The following MEIS1 variants were observed in gnomAD, a reference collection of about 807,000 sequenced individuals.
The protein encoded by MEIS1 is homeobox protein Meis1.
Under a neutral mutation model 50.8 loss-of-function variants are expected in MEIS1, and 5 were observed. The observed-to-expected ratio is 0.10, with a 90% confidence interval of 0.05 to 0.21. The LOEUF is 0.21. Ranked by LOEUF, MEIS1 falls within the 10% of genes least tolerant of loss-of-function variation. The probability of loss-of-function intolerance (pLI) is 1.00; values close to 1 mark genes in which losing one functional copy is unlikely to be tolerated. For missense variants in MEIS1, 318 were observed against 517.3 expected (o/e 0.61, Z 3.74); for synonymous variants, 176 against 179.3 (o/e 0.98, Z 0.15).
intron 10 of MEIS1, 166 bp downstream of exon 10, chr2:66,567,677 C>T (rs924173507): frequency 7.0e-6 from 5 of 713,628 alleles, no homozygotes; most frequent in Non-Finnish European, 1.3e-5. Flanking sequence ...ATCAATTTAA[C>T]ATCATTATAA....
intron 7 of MEIS1, among the ~76,000 whole-genome samples, chr2:66,510,056 T>C (rs557407405): frequency 2.6e-5 from 4 of 152,316 alleles, no homozygotes; most frequent in Admixed American, 2.0e-4. Context: ...TTTTAATCAA[T>C]GATCAGGTCG....
intron 7 of MEIS1, among the ~76,000 whole-genome samples, chr2:66,473,378 CAAAAAAA>C (rs71409174): frequency 1.9e-5 from 1 of 53,962 alleles, no homozygotes; most frequent in African/African-American, 1.5e-4. Flanking sequence ...GACTCCATGT[CAAAAAAA>C]AAAAAAAAAA....
intron 8 of MEIS1, among the ~76,000 whole-genome samples, chr2:66,518,701 A>G (rs1032802853): frequency 6.6e-5 from 10 of 152,216 alleles, no homozygotes; most frequent in African/African-American, 2.2e-4. Context: ...TACCACAAGT[A>G]TACATGTGAG....
intron 8 of MEIS1, among the ~76,000 whole-genome samples, chr2:66,522,427 T>A (rs1674147457): frequency 6.6e-6 from 1 of 152,212 alleles, no homozygotes; most frequent in African/African-American, 2.4e-5. Flanking sequence ...GAGACAACAG[T>A]GGGCCAGGCG....
At chr2:66,443,249 T>A (rs1558520493) in intron 6 of MEIS1, 4 of 556,544 alleles carry the variant, frequency 7.2e-6, no homozygotes, top group Non-Finnish European at 1.2e-5. Flanking sequence ...CCTGAAGAGA[T>A]GAGCTTGTAA....
At chr2:66,447,513 T>C (rs1672181566) in intron 6 of MEIS1, among the ~76,000 whole-genome samples, 1 of 152,230 alleles carries the variant, frequency 6.6e-6, no homozygotes, top group South Asian at 2.1e-4. Flanking sequence ...TGACTGCTTG[T>C]CACTACACTG....
At chr2:66,510,482 T>C (rs1350507826) in intron 7 of MEIS1, among the ~76,000 whole-genome samples, 2 of 152,232 alleles carry the variant, frequency 1.3e-5, no homozygotes, top group African/African-American at 4.8e-5. Flanking sequence ...ACACAAGATA[T>C]GTTTCTGTTA....
In MEIS1 at chr2:66,562,921, A is replaced by T. The variant is rs76905887; in HGVS notation, c.966-4532A>T. On this transcript the variant is annotated intron_variant, in intron 9 of 12. Coordinates refer to ENST00000272369, the MANE Select transcript of MEIS1 (RefSeq NM_002398.3). ...TAGATTTTAAGAAACCCTATGTTCG[A>T]ATGTAAATGAAAAAGCAAACGAGAC... Among the ~76,000 whole-genome samples, 959 of 152,336 alleles carry T rather than the reference A, an allele frequency of 6.3e-3. 12 individuals are homozygous for T. The highest frequency in any genetic ancestry group is 0.022 in the African/African-American group (918 of 41,580).
intron 7 of MEIS1, among the ~76,000 whole-genome samples, chr2:66,481,562 A>T (rs1673016242): frequency 6.6e-6 from 1 of 152,176 alleles, no homozygotes; most frequent in Non-Finnish European, 1.5e-5. Context: ...GAGCAAAAAG[A>T]GGAGGGTTGC....
At chr2:66,484,173 G>C (rs574140531) in intron 7 of MEIS1, among the ~76,000 whole-genome samples, 1 of 152,198 alleles carries the variant, frequency 6.6e-6, no homozygotes, top group Admixed American at 6.5e-5. Flanking sequence ...GTAAGTTATG[G>C]GGAAGCAAAA....
chr2:66,451,963 G>A (rs961674911), intron 6 of MEIS1, among the ~76,000 whole-genome samples: 2 of 151,734 alleles, frequency 1.3e-5, no homozygotes, highest in African/African-American at 2.4e-5. Context: ...ACAGAAACTC[G>A]TATATGACAT....
chr2:66,455,413 TG>T (rs566891125), intron 6 of MEIS1, among the ~76,000 whole-genome samples: 2 of 152,298 alleles, frequency 1.3e-5, no homozygotes, highest in South Asian at 4.1e-4. Flanking sequence ...GTTAAAGAAT[TG>T]GGCAAAAAGT....
At chr2:66,562,395 G>GAAA (rs34726376) in intron 9 of MEIS1, among the ~76,000 whole-genome samples, 1 of 136,582 alleles carries the variant, frequency 7.3e-6, no homozygotes. Context: ...TAGTCCAGTG[G>GAAA]AAAAAAAAAA....
intron 6 of MEIS1, among the ~76,000 whole-genome samples, chr2:66,447,578 AAGTT>A (rs1196525084): frequency 3.3e-5 from 5 of 152,208 alleles, no homozygotes; most frequent in African/African-American, 1.2e-4. Context: ...TTTGAATTAA[AAGTT>A]AGTTGTTTAC....
At chr2:66,446,575 A>C (rs900310014) in intron 6 of MEIS1, among the ~76,000 whole-genome samples, 16 of 152,124 alleles carry the variant, frequency 1.1e-4, no homozygotes, top group African/African-American at 3.9e-4. Context: ...TTTTTATTCA[A>C]CAGCAGCTCT....
At chr2:66,509,033 A>T (rs576388132) in intron 7 of MEIS1, 1 of 471,304 alleles carries the variant, frequency 2.1e-6, no homozygotes, top group Non-Finnish European at 4.4e-6. Flanking sequence ...AAGTTTGTTT[A>T]GTGATCTCAA....
intron 8 of MEIS1, among the ~76,000 whole-genome samples, chr2:66,546,580 C>CA (rs1426871569): frequency 6.6e-5 from 10 of 152,296 alleles, no homozygotes; most frequent in African/African-American, 2.4e-4. Flanking sequence ...ACCTGTAAAA[C>CA]AGAAGGGATG....
At chr2:66,547,813 T>G in intron 8 of MEIS1, 130 bp from the exon 9 acceptor site, 1 of 766,390 alleles carries the variant, frequency 1.3e-6, no homozygotes. Flanking sequence ...GATGATGTAG[T>G]ATTCCATTAA....
chr2:66,506,549 C>T (rs943420562), intron 7 of MEIS1, among the ~76,000 whole-genome samples: 4 of 152,110 alleles, frequency 2.6e-5, no homozygotes, highest in South Asian at 2.1e-4. Flanking sequence ...AGGCCTTCCA[C>T]GCCAGGCTAA....
Sources: allele counts gnomAD v4.1 joint callset (sites outside exome capture counted in the v4.1 genomes callset), GRCh38; gene constraint gnomAD v4.1.1; transcripts MANE v1.5; gene names NCBI Gene and HGNC (gene_info 2026-07-23, HGNC 2026-07-21).